Variants in PRICKLE2 observed in about 807,000 individuals in gnomAD.
PRICKLE2 encodes the protein prickle-like protein 2.
A neutral mutation model predicts 81.4 loss-of-function variants in PRICKLE2; 21 were observed. The ratio of observed to expected loss-of-function variants is 0.26; its 90% CI spans 0.18 to 0.37. The LOEUF (loss-of-function observed/expected upper bound fraction) is 0.37. Ranked by LOEUF, PRICKLE2 falls within the 10% of genes least tolerant of loss-of-function variation. The pLI, the probability that PRICKLE2 is intolerant of heterozygous loss-of-function variation, is 1.00. For synonymous variants in PRICKLE2, 456 were observed against 421.5 expected (o/e 1.08, Z -1.00); for missense variants, 940 against 1,109.0 (o/e 0.85, Z 2.16).
intron 6 of PRICKLE2, among the ~76,000 whole-genome samples, chr3:64,148,727 C>T (rs2077496894): frequency 6.6e-6 from 1 of 152,094 alleles, no homozygotes; most frequent in Non-Finnish European, 1.5e-5. Context: ...CCCAAGGGAG[C>T]CTGTTTGCTC....
At chr3:64,135,418 TG>T (rs2077262644) in intron 7 of PRICKLE2, among the ~76,000 whole-genome samples, 1 of 152,122 alleles carries the variant, frequency 6.6e-6, no homozygotes, top group African/African-American at 2.4e-5. Flanking sequence ...AGAGAAAGAA[TG>T]GGAGAAATAC....
intron 2 of PRICKLE2, among the ~76,000 whole-genome samples, chr3:64,230,838 A>G (rs537991494): frequency 6.6e-6 from 1 of 152,302 alleles, no homozygotes; most frequent in South Asian, 2.1e-4. Context: ...AGTACCTAGC[A>G]TATAGTAGGT....
chr3:64,209,352 A>G (rs1011745542), intron 1 of PRICKLE2, among the ~76,000 whole-genome samples: 1 of 151,112 alleles, frequency 6.6e-6, no homozygotes, highest in Non-Finnish European at 1.5e-5. Flanking sequence ...CTATCTATCC[A>G]TTCATTTATA....
chr3:64,246,697 T>G (rs1173329581), intron 2 of PRICKLE2, among the ~76,000 whole-genome samples: 2 of 152,220 alleles, frequency 1.3e-5, no homozygotes, highest in Non-Finnish European at 2.9e-5. Flanking sequence ...CTGATGTTGC[T>G]GATATGTGGA....
intron 2 of PRICKLE2, among the ~76,000 whole-genome samples, chr3:64,197,213 A>G (rs538889936): frequency 5.3e-5 from 8 of 152,310 alleles, no homozygotes; most frequent in African/African-American, 1.2e-4. Context: ...TAGTGCTGCA[A>G]TGAACATACG....
At chr3:64,217,852 G>C (rs921989183) in intron 1 of PRICKLE2, among the ~76,000 whole-genome samples, 22 of 152,186 alleles carry the variant, frequency 1.4e-4, no homozygotes. Context: ...ACATTTATAA[G>C]AGTAAAGTCC....
At chr3:64,243,339 C>T (rs2079296609) in intron 2 of PRICKLE2, among the ~76,000 whole-genome samples, 1 of 152,206 alleles carries the variant, frequency 6.6e-6, no homozygotes, top group Non-Finnish European at 1.5e-5. Flanking sequence ...TACCCATGAC[C>T]TATATCCATG....
At chr3:64,238,485 C>CAAAAAA (rs11291908) in intron 2 of PRICKLE2, among the ~76,000 whole-genome samples, 2 of 104,504 alleles carry the variant, frequency 1.9e-5, no homozygotes, top group African/African-American at 3.4e-5. Context: ...GACTCCGTCT[C>CAAAAAA]AAAAAAAAAA....
intron 7 of PRICKLE2, among the ~76,000 whole-genome samples, chr3:64,115,493 G>C (rs1329166171): frequency 4.6e-5 from 7 of 152,106 alleles, no homozygotes; most frequent in Non-Finnish European, 8.8e-5. Flanking sequence ...AAAATAAAGA[G>C]ATAGAGAAAA....
chr3:64,172,010 G>C (rs2077940308), intron 2 of PRICKLE2, among the ~76,000 whole-genome samples: 2 of 152,056 alleles, frequency 1.3e-5, no homozygotes, highest in Admixed American at 6.5e-5. Context: ...AGAATCACAT[G>C]AGTTGCTTTG....
intron 7 of PRICKLE2, among the ~76,000 whole-genome samples, chr3:64,131,618 G>A (rs1248649366): frequency 1.3e-5 from 2 of 152,182 alleles, no homozygotes; most frequent in Non-Finnish European, 2.9e-5. Flanking sequence ...AAATTCAAAT[G>A]TACTGTGTAT....
intron 2 of PRICKLE2, among the ~76,000 whole-genome samples, chr3:64,172,022 T>C (rs2077940516): frequency 6.6e-6 from 1 of 152,226 alleles, no homozygotes; most frequent in African/African-American, 2.4e-5. Context: ...GTTGCTTTGC[T>C]CCTATGCCTG....
chr3:64,266,200 AG>A (rs1221987919), intron 2 of PRICKLE2, among the ~76,000 whole-genome samples: 9 of 95,180 alleles, frequency 9.5e-5, no homozygotes, highest in Non-Finnish European at 1.6e-4. Context: ...CCACCGCAAA[AG>A]AAAAAAAAAA....
intron 7 of PRICKLE2, among the ~76,000 whole-genome samples, chr3:64,121,854 C>G (rs1056111115): frequency 1.3e-5 from 2 of 152,048 alleles, no homozygotes; most frequent in African/African-American, 4.8e-5. Context: ...ATGACTGGCT[C>G]GGAAAGTAGA....
rs1456025890 is a variant in PRICKLE2, at chr3:64,236,048, C to T, written c.129-37081G>A. 3.9e-5 allele frequency among the ~76,000 whole-genome samples: 6 copies of T among 152,210 alleles called. No homozygotes were observed. The South Asian group carries it at 1.0e-3, about 26-fold the overall frequency. On this transcript the variant is annotated intron_variant, in intron 2 of 8. Transcript: ENST00000295902. Reference sequence around the variant, plus strand: ...AAGATTTAGATTTCCTTGTGTTTTTCCATTTGTTGTATACCCTTGGGACAA... The same window carrying T: ...AAGATTTAGATTTCCTTGTGTTTTTTCATTTGTTGTATACCCTTGGGACAA...
chr3:64,260,554 T>C (rs2079601239), intron 2 of PRICKLE2, among the ~76,000 whole-genome samples: 1 of 152,226 alleles, frequency 6.6e-6, no homozygotes, highest in African/African-American at 2.4e-5. Flanking sequence ...GCTATTCCTG[T>C]CTTAGTAACT....
At chr3:64,219,853 G>C (rs569770418) in intron 1 of PRICKLE2, among the ~76,000 whole-genome samples, 50 of 152,290 alleles carry the variant, frequency 3.3e-4, no homozygotes, top group Non-Finnish European at 4.9e-4. Flanking sequence ...CTCTGTGTAA[G>C]CTTGAACGAG....
At chr3:64,265,276 T>C (rs1041326862) in intron 2 of PRICKLE2, among the ~76,000 whole-genome samples, 1 of 152,150 alleles carries the variant, frequency 6.6e-6, no homozygotes, top group African/African-American at 2.4e-5. Context: ...CAAAGAAACT[T>C]TTTTGGAACA....
chr3:64,123,870 AAATTAGGCCAATTAATAACCGTAT>A (rs2077067027), intron 7 of PRICKLE2, among the ~76,000 whole-genome samples: 1 of 152,134 alleles, frequency 6.6e-6, no homozygotes, highest in Admixed American at 6.5e-5. Context: ...AACAATATTG[AAATTAGGCCAATTAATAACCGTAT>A]AATGTCTTCT....
Sources: gnomAD v4.1 joint callset for allele counts (sites outside exome capture counted in the v4.1 genomes callset) on GRCh38, gnomAD v4.1.1 for gene constraint, MANE v1.5 for transcripts, NCBI Gene and HGNC (gene_info 2026-07-23, HGNC 2026-07-21) for gene names.